Variants in ENTREP2 observed in about 807,000 individuals in gnomAD.
ENTREP2 encodes endosomal transmembrane epsin interactor 2.
chr15:29,617,761 A>T, the ENTREP2 span, among the ~76,000 whole-genome samples: 3 of 152,208 alleles, frequency 2.0e-5, no homozygotes, highest in African/African-American at 7.2e-5. Context: ...GGCATCTCTC[A>T]GAGAGCTCTG....
At chr15:29,223,208 A>C in the ENTREP2 span, among the ~76,000 whole-genome samples, 1 of 152,330 alleles carries the variant, frequency 6.6e-6, no homozygotes. Context: ...TAGTTGGGGA[A>C]CACCACATTA....
the ENTREP2 span, among the ~76,000 whole-genome samples, chr15:29,205,129 A>G: frequency 1.3e-5 from 2 of 152,192 alleles, no homozygotes; most frequent in African/African-American, 4.8e-5. Context: ...AGGTTCATCC[A>G]TGTGGTAGCA....
At chr15:29,673,835 G>A in the ENTREP2 span, among the ~76,000 whole-genome samples, 1 of 152,236 alleles carries the variant, frequency 6.6e-6, no homozygotes, top group Non-Finnish European at 1.5e-5. Flanking sequence ...GCAAGATGGA[G>A]TCAGTTAGGT....
At chr15:29,463,353 C>A in the ENTREP2 span, among the ~76,000 whole-genome samples, 1 of 152,100 alleles carries the variant, frequency 6.6e-6, no homozygotes, top group East Asian at 1.9e-4. Flanking sequence ...CGGCCCAGGG[C>A]TGAGTTCAGC....
the ENTREP2 span, among the ~76,000 whole-genome samples, chr15:29,453,873 T>C: frequency 2.0e-5 from 3 of 152,248 alleles, no homozygotes; most frequent in Admixed American, 1.3e-4. Context: ...AATGACATAG[T>C]ATAACCACCC....
chr15:29,236,803 G>C, the ENTREP2 span, among the ~76,000 whole-genome samples: 5 of 151,976 alleles, frequency 3.3e-5, no homozygotes, highest in African/African-American at 1.2e-4. Context: ...GAAACTAGAA[G>C]TGAAGACTTC....
the ENTREP2 span, among the ~76,000 whole-genome samples, chr15:29,307,882 A>G: frequency 6.6e-6 from 1 of 152,170 alleles, no homozygotes; most frequent in African/African-American, 2.4e-5. Context: ...GAAAAACTAA[A>G]TTTTTGTGTT....
the ENTREP2 span, among the ~76,000 whole-genome samples, chr15:29,674,243 C>T: frequency 4.0e-5 from 6 of 151,862 alleles, no homozygotes; most frequent in Non-Finnish European, 5.9e-5. Context: ...CCCTGTCCTG[C>T]TGCCTGATGG....
the ENTREP2 span, among the ~76,000 whole-genome samples, chr15:29,271,259 T>C: frequency 6.6e-6 from 1 of 152,200 alleles, no homozygotes; most frequent in African/African-American, 2.4e-5. Context: ...TTTTTTACAA[T>C]GAGAAAATTC....
chr15:29,175,858 G>A, the ENTREP2 span, among the ~76,000 whole-genome samples: 57 of 152,318 alleles, frequency 3.7e-4, no homozygotes, highest in African/African-American at 1.3e-3. Flanking sequence ...CACCCGCCTT[G>A]GCCTCCCAAA....
chr15:29,321,506 G>A, the ENTREP2 span, among the ~76,000 whole-genome samples: 1 of 151,916 alleles, frequency 6.6e-6, no homozygotes, highest in Non-Finnish European at 1.5e-5. Context: ...AAAATTAGCT[G>A]GGCATGGTGG....
the ENTREP2 span, among the ~76,000 whole-genome samples, chr15:29,318,167 T>C: frequency 1.3e-5 from 2 of 152,222 alleles, no homozygotes; most frequent in Non-Finnish European, 2.9e-5. Flanking sequence ...ACTGCACAGA[T>C]ACTGCGTTGT....
chr15:29,187,410 G>A, the ENTREP2 span, among the ~76,000 whole-genome samples: 1 of 152,052 alleles, frequency 6.6e-6, no homozygotes, highest in Non-Finnish European at 1.5e-5. Flanking sequence ...CGAGTAGCTG[G>A]GATTACAGGC....
the ENTREP2 span, among the ~76,000 whole-genome samples, chr15:29,177,006 C>T: frequency 6.6e-6 from 1 of 152,164 alleles, no homozygotes; most frequent in South Asian, 2.1e-4. Context: ...GCCTGCAGCT[C>T]TGATACTGCA....
chr15:29,426,449 T>G, the ENTREP2 span, among the ~76,000 whole-genome samples: 1 of 152,136 alleles, frequency 6.6e-6, no homozygotes, highest in African/African-American at 2.4e-5. Flanking sequence ...TTCTATTACA[T>G]GAATCAAACC....
chr15:29,671,810 C>T, the ENTREP2 span, among the ~76,000 whole-genome samples: 2 of 152,164 alleles, frequency 1.3e-5, no homozygotes, highest in Admixed American at 1.3e-4. Context: ...GCGATTCTCC[C>T]AGCTTCAGAG....
chr15:29,142,241 G>C, the ENTREP2 span, among the ~76,000 whole-genome samples: 1 of 152,302 alleles, frequency 6.6e-6, no homozygotes, highest in South Asian at 2.1e-4. Flanking sequence ...AATACACCCA[G>C]ACAGGACAAC....
chr15:29,360,211 A>AGAAAAAAT, the ENTREP2 span, among the ~76,000 whole-genome samples: 1 of 152,230 alleles, frequency 6.6e-6, no homozygotes, highest in East Asian at 1.9e-4. Context: ...TTCTAACGCT[A>AGAAAAAAT]TATCTTTATA....
chr15:29,261,070 A>T, the ENTREP2 span, among the ~76,000 whole-genome samples: 1 of 152,232 alleles, frequency 6.6e-6, no homozygotes, highest in South Asian at 2.1e-4. Context: ...TGAACAACAC[A>T]ATTAACAAGC....
Sources: gnomAD v4.1 joint callset for allele counts (sites outside exome capture counted in the v4.1 genomes callset) on GRCh38, gnomAD v4.1.1 for gene constraint, MANE v1.5 for transcripts, NCBI Gene and HGNC (gene_info 2026-07-23, HGNC 2026-07-21) for gene names.